Variants in PTPRG observed in about 807,000 individuals in gnomAD.
PTPRG encodes the protein protein tyrosine phosphatase receptor type G.
In PTPRG, 102 loss-of-function variants were observed where a neutral mutation model predicts 165.3. That is an observed-to-expected ratio of 0.62 (90% CI 0.53 to 0.73). The LOEUF is 0.73. Among genes scored for constraint, PTPRG ranks in the 30% least tolerant of loss-of-function variants. The probability of loss-of-function intolerance (pLI) is 0.00; values close to 1 mark genes in which losing one functional copy is unlikely to be tolerated. For missense variants in PTPRG, 1,866 were observed against 1,861.4 expected (o/e 1.00, Z -0.05); for synonymous variants, 675 against 669.5 (o/e 1.01, Z -0.13).
chr3:61,758,357 C>T (rs146456433), intron 2 of PTPRG, among the ~76,000 whole-genome samples: 75 of 152,302 alleles, frequency 4.9e-4, no homozygotes, highest in South Asian at 3.7e-3. Flanking sequence ...AAACTACTTA[C>T]GTAGAATTTT....
chr3:61,573,219 C>T (rs1399065196), intron 1 of PTPRG, among the ~76,000 whole-genome samples: 1 of 151,900 alleles, frequency 6.6e-6, no homozygotes, highest in Non-Finnish European at 1.5e-5. Context: ...TGATCAGTTT[C>T]TTGTTATCAG....
intron 2 of PTPRG, among the ~76,000 whole-genome samples, chr3:61,968,682 G>A (rs1220869045): frequency 1.3e-5 from 2 of 152,080 alleles, no homozygotes. Context: ...CTACCATTTG[G>A]GGGTTGACTT....
At chr3:62,276,242 G>A (rs2148880352) in intron 24 of PTPRG, among the ~76,000 whole-genome samples, 1 of 152,212 alleles carries the variant, frequency 6.6e-6, no homozygotes, top group African/African-American at 2.4e-5. Flanking sequence ...GTCAGCAAGT[G>A]CTCCATCTAT....
intron 28 of PTPRG, among the ~76,000 whole-genome samples, chr3:62,285,465 C>G (rs921424036): frequency 3.4e-5 from 4 of 118,274 alleles, no homozygotes; most frequent in African/African-American, 1.3e-4. Flanking sequence ...GTTGTGACAT[C>G]TATTTGGTCT....
intron 1 of PTPRG, among the ~76,000 whole-genome samples, chr3:61,697,270 C>G (rs2030657975): frequency 6.6e-6 from 1 of 152,086 alleles, no homozygotes; most frequent in Admixed American, 6.6e-5. Flanking sequence ...GAACAATACT[C>G]CGAAGTCTCA....
chr3:61,764,646 G>A (rs2033959062), intron 2 of PTPRG, among the ~76,000 whole-genome samples: 1 of 152,130 alleles, frequency 6.6e-6, no homozygotes, highest in South Asian at 2.1e-4. Flanking sequence ...GGCTATGTGA[G>A]GTAAGCATTG....
chr3:62,017,494 C>T (rs149267804), intron 4 of PTPRG, among the ~76,000 whole-genome samples: 2,631 of 151,730 alleles, frequency 0.017, 36 homozygotes, highest in Non-Finnish European at 0.03. Context: ...TGGCTCACTG[C>T]GAGCTCCGCC....
chr3:62,126,651 A>G (rs1056842588), intron 5 of PTPRG, among the ~76,000 whole-genome samples: 35 of 152,228 alleles, frequency 2.3e-4, no homozygotes, highest in Non-Finnish European at 8.8e-5. Flanking sequence ...CATTTTGCTT[A>G]TCTGTTAGAT....
intron 1 of PTPRG, among the ~76,000 whole-genome samples, chr3:61,582,973 C>T (rs1222516331): frequency 6.6e-6 from 1 of 152,170 alleles, no homozygotes; most frequent in Non-Finnish European, 1.5e-5. Flanking sequence ...AGATACCTTC[C>T]TACGGGTATC....
chr3:62,165,421 G>A (rs7610153), intron 7 of PTPRG, among the ~76,000 whole-genome samples: 11,338 of 152,212 alleles, frequency 0.074, 1,181 homozygotes, highest in African/African-American at 0.23. Flanking sequence ...TGATTTTTCA[G>A]CATCTTTAGT....
At chr3:62,102,430 G>T (rs562137473) in intron 5 of PTPRG, among the ~76,000 whole-genome samples, 1 of 152,162 alleles carries the variant, frequency 6.6e-6, no homozygotes, top group Non-Finnish European at 1.5e-5. Flanking sequence ...ACGCCTCCAC[G>T]CCTGGCTGAT....
intron 28 of PTPRG, among the ~76,000 whole-genome samples, chr3:62,285,374 AGCAG>A (rs775902652): frequency 8.5e-5 from 13 of 152,200 alleles, no homozygotes; most frequent in Non-Finnish European, 1.5e-4. Flanking sequence ...CTCTGTCAAA[AGCAG>A]GAGTCAACAG....
rs908358718 is a variant in PTPRG, at chr3:61,792,427, T to C, written c.190+43445T>C. Among the ~76,000 whole-genome samples the C allele has an allele frequency of 3.9e-5, 6 of 152,116 alleles. No homozygotes were observed. In the East Asian group the frequency reaches 9.7e-4, roughly 25 times the overall value. On this transcript the variant is annotated intron_variant, in intron 2 of 29. Coordinates refer to ENST00000474889, the MANE Select transcript of PTPRG (RefSeq NM_002841.4). ...TTTTTGTAGAGATAGGGACTCACTA[T>C]GTTGTCCAGGCTGGTGTCAAAACTC... is the stretch of plus-strand genomic sequence containing the variant.
intron 5 of PTPRG, chr3:62,118,508 G>T (rs1702945230): frequency 1.3e-5 from 2 of 152,206 alleles, no homozygotes; most frequent in South Asian, 4.1e-4. Flanking sequence ...GCTGAGAAGT[G>T]TTAGGAGCAA....
chr3:62,243,603 T>TA (rs548540604), intron 14 of PTPRG: 157 of 442,826 alleles, frequency 3.5e-4, no homozygotes, highest in South Asian at 5.3e-4. Flanking sequence ...GCGGTGATGA[T>TA]AAAAAAAATG....
chr3:61,606,690 C>T (rs959450584), intron 1 of PTPRG, among the ~76,000 whole-genome samples: 7 of 152,198 alleles, frequency 4.6e-5, no homozygotes, highest in African/African-American at 1.4e-4. Context: ...GCAAGGGCTA[C>T]ATCCTCCAGA....
intron 5 of PTPRG, among the ~76,000 whole-genome samples, chr3:62,098,497 G>A (rs76984960): frequency 0.026 from 3,964 of 152,064 alleles, 111 homozygotes; most frequent in East Asian, 0.13. Flanking sequence ...GATAACTGTG[G>A]GCAAATAAGG....
chr3:61,754,241 A>G (rs1189110957), intron 2 of PTPRG, among the ~76,000 whole-genome samples: 1 of 152,182 alleles, frequency 6.6e-6, no homozygotes, highest in African/African-American at 2.4e-5. Flanking sequence ...GTCCTCTCCA[A>G]CTGTCCTGGG....
At chr3:61,689,294 T>A (rs2030000290) in intron 1 of PTPRG, among the ~76,000 whole-genome samples, 1 of 152,264 alleles carries the variant, frequency 6.6e-6, no homozygotes. Context: ...GTTGAAGCTA[T>A]GTGTATACAT....
Sources: allele counts gnomAD v4.1 joint callset (sites outside exome capture counted in the v4.1 genomes callset), GRCh38; gene constraint gnomAD v4.1.1; transcripts MANE v1.5; gene names NCBI Gene and HGNC (gene_info 2026-07-23, HGNC 2026-07-21).